Variants in TUSC3 observed in about 807,000 individuals in gnomAD.
TUSC3 encodes tumor suppressor candidate 3, also known as dolichyl-diphosphooligosaccharide--protein glycosyltransferase subunit TUSC3.
Under a neutral mutation model 44.8 loss-of-function variants are expected in TUSC3, and 45 were observed. The observed-to-expected ratio is 1.00, with a 90% CI of 0.79 to 1.29. The LOEUF (loss-of-function observed/expected upper bound fraction) is 1.29, where lower values mean the gene tolerates loss of function less well. Among genes scored for constraint, TUSC3 ranks in the 50% most tolerant of loss-of-function variants. The pLI is 0.00. For missense variants in TUSC3, 519 were observed against 437.9 expected, an observed-to-expected ratio of 1.19 and a Z score of -1.65; for synonymous variants, 212 against 152.9, an observed-to-expected ratio of 1.39 and a Z score of -2.85.
the TUSC3 span, among the ~76,000 whole-genome samples, chr8:15,805,448 T>C: frequency 6.6e-6 from 1 of 152,200 alleles, no homozygotes; most frequent in African/African-American, 2.4e-5. Flanking sequence ...GCCTGTTTAG[T>C]ATGATGTTGG....
At chr8:15,532,257 C>A (rs1801460518) in intron 2 of TUSC3, among the ~76,000 whole-genome samples, 1 of 152,058 alleles carries the variant, frequency 6.6e-6, no homozygotes, top group Non-Finnish European at 1.5e-5. Flanking sequence ...TCAAAAAATT[C>A]ATTTTCTTGA....
At chr8:15,786,767 C>A in the TUSC3 span, among the ~76,000 whole-genome samples, 1 of 151,280 alleles carries the variant, frequency 6.6e-6, no homozygotes, top group African/African-American at 2.4e-5. Context: ...GGTGGTGAAA[C>A]CCTGTCTCTG....
chr8:15,642,990 A>G (rs3789002), intron 2 of TUSC3, among the ~76,000 whole-genome samples: 25,468 of 152,164 alleles, frequency 0.17, 2,146 homozygotes, highest in South Asian at 0.26. Flanking sequence ...CTGTGTCCCC[A>G]CACAAATGTC....
At chr8:15,738,110 C>G (rs555130916) in intron 7 of TUSC3, among the ~76,000 whole-genome samples, 1 of 152,134 alleles carries the variant, frequency 6.6e-6, no homozygotes, top group East Asian at 1.9e-4. Flanking sequence ...GCTCACTGCT[C>G]TTTTCTTGTT....
chr8:15,747,429 C>CTTATATAT (rs1044181755), intron 8 of TUSC3, among the ~76,000 whole-genome samples: 3 of 150,914 alleles, frequency 2.0e-5, no homozygotes, highest in Non-Finnish European at 4.4e-5. Context: ...CTAATTTCTA[C>CTTATATAT]TTATATATTT....
chr8:15,583,532 T>C (rs527838284), intron 1 of TUSC3, among the ~76,000 whole-genome samples: 8 of 152,328 alleles, frequency 5.3e-5, no homozygotes, highest in Non-Finnish European at 5.9e-5. Flanking sequence ...GGCTTTTTCT[T>C]TGTAGCTCCA....
chr8:15,482,849 T>C (rs1489166785), intron 1 of TUSC3, among the ~76,000 whole-genome samples: 1 of 152,252 alleles, frequency 6.6e-6, no homozygotes, highest in African/African-American at 2.4e-5. Flanking sequence ...TATGATAGAA[T>C]ACATGACTTT....
In TUSC3 at chr8:15,467,633, T is replaced by C. The variant is rs144703920; in HGVS notation, n.92-15753T>C. On this transcript the variant is annotated intron_variant and non_coding_transcript_variant, in intron 1 of 5. Transcript: ENST00000503191. ...GGGAAAACACTGATTTGGTTTCTAT[T>C]GGAAACTGCTGTCCATGTGGCAAAC... Among the ~76,000 whole-genome samples, 873 of 152,294 alleles carry C rather than the reference T, an allele frequency of 5.7e-3. 5 individuals are homozygous for C. Among genetic ancestry groups the C allele is most frequent in the African/African-American group, 0.02 (844 of 41,564 alleles).
chr8:15,648,752 A>AAAAAAAAAAAAAAAAAAAAAAAAAC (rs1806748787), intron 2 of TUSC3, among the ~76,000 whole-genome samples: 1 of 147,484 alleles, frequency 6.8e-6, no homozygotes, highest in African/African-American at 2.5e-5. Context: ...AAAAAAAAAA[A>AAAAAAAAAAAAAAAAAAAAAAAAAC]AAAAGACATC....
intron 6 of TUSC3, among the ~76,000 whole-genome samples, chr8:15,718,215 C>T (rs988155309): frequency 6.6e-6 from 1 of 151,926 alleles, no homozygotes; most frequent in South Asian, 2.1e-4. Context: ...ATAATCCAAG[C>T]GTGATACATT....
At chr8:15,647,671 T>C (rs1035872323) in intron 2 of TUSC3, among the ~76,000 whole-genome samples, 9 of 152,194 alleles carry the variant, frequency 5.9e-5, no homozygotes, top group Non-Finnish European at 1.3e-4. Context: ...AGTTTTTCAT[T>C]CACACTACCT....
intron 2 of TUSC3, among the ~76,000 whole-genome samples, chr8:15,640,405 C>T (rs1358270102): frequency 6.6e-6 from 1 of 152,186 alleles, no homozygotes; most frequent in Non-Finnish European, 1.5e-5. Context: ...ATGAATGTGA[C>T]CATGTGCTGA....
At chr8:15,544,411 T>A (rs2129133979) in intron 1 of TUSC3, among the ~76,000 whole-genome samples, 1 of 151,906 alleles carries the variant, frequency 6.6e-6, no homozygotes, top group East Asian at 2.0e-4. Flanking sequence ...AATAATTAAT[T>A]TATCTTATCT....
chr8:15,798,828 T>C, the TUSC3 span, among the ~76,000 whole-genome samples: 1 of 152,126 alleles, frequency 6.6e-6, no homozygotes, highest in Admixed American at 6.5e-5. Flanking sequence ...TCTATTTCCA[T>C]GCTAGTATCA....
chr8:15,835,673 A>AT, the TUSC3 span, among the ~76,000 whole-genome samples: 1 of 152,112 alleles, frequency 6.6e-6, no homozygotes, highest in African/African-American at 2.4e-5. Flanking sequence ...ATGGTAAAAT[A>AT]TTTTTGGAAT....
chr8:15,799,435 G>A, the TUSC3 span, among the ~76,000 whole-genome samples: 52,278 of 151,938 alleles, frequency 0.34, 10,135 homozygotes, highest in Non-Finnish European at 0.43. Context: ...TCAGTGCACC[G>A]GATTGACCAC....
At chr8:15,837,628 A>T in the TUSC3 span, among the ~76,000 whole-genome samples, 3 of 151,988 alleles carry the variant, frequency 2.0e-5, no homozygotes, top group Admixed American at 6.6e-5. Context: ...TGCCAGCCGA[A>T]CTCACATTTA....
upstream of TUSC3, among the ~76,000 whole-genome samples, chr8:15,536,479 C>G (rs559346393): frequency 6.6e-6 from 1 of 151,584 alleles, no homozygotes; most frequent in Non-Finnish European, 1.5e-5. Context: ...GTCAGTAGTA[C>G]GAGACCAGCC....
chr8:15,523,180 G>A (rs1333509102), intron 2 of TUSC3, among the ~76,000 whole-genome samples: 2 of 152,106 alleles, frequency 1.3e-5, no homozygotes, highest in Non-Finnish European at 2.9e-5. Flanking sequence ...GTTGCATGAT[G>A]GCATTAATCC....
Sources: gnomAD v4.1 joint callset for allele counts (sites outside exome capture counted in the v4.1 genomes callset) on GRCh38, gnomAD v4.1.1 for gene constraint, MANE v1.5 for transcripts, NCBI Gene and HGNC (gene_info 2026-07-23, HGNC 2026-07-21) for gene names.